Variants in NALCN observed in about 807,000 individuals in gnomAD.
The protein encoded by NALCN is sodium leak channel NALCN.
A neutral mutation model predicts 225.3 loss-of-function variants in NALCN; 111 were observed. That is an observed-to-expected ratio of 0.49 (90% CI 0.42 to 0.58). The LOEUF is 0.58. NALCN is among the 20% of genes least tolerant of loss of function. The pLI is 0.00. For synonymous variants in NALCN, 764 were observed against 769.0 expected (o/e 0.99, Z 0.11); for missense variants, 1,378 against 2,202.4 (o/e 0.63, Z 7.49).
In NALCN at chr13:101,104,257, C is replaced by A; in HGVS notation, c.2889+38G>T. The A allele has an allele frequency of 6.4e-7, 1 of 1,563,496 alleles. No homozygotes were observed. The highest frequency in any genetic ancestry group is 8.6e-7 in the Non-Finnish European group (1 of 1,158,936). On this transcript the variant is annotated intron_variant, in intron 25 of 43. Coordinates refer to ENST00000251127, the MANE Select transcript of NALCN (RefSeq NM_052867.4). This position sits in a 1 kb window ranked among gnomAD's most constrained non-coding sequence, Gnocchi z 4.2. ...AGAAATGCAGGAGATTTTACAAAAC[C>A]ATTACATTTTTCATTTAGGCAATAA...
intron 7 of NALCN, among the ~76,000 whole-genome samples, chr13:101,345,065 G>A (rs866474338): frequency 6.6e-6 from 1 of 152,248 alleles, no homozygotes; most frequent in Middle Eastern, 3.4e-3. Context: ...AAACACTGCT[G>A]CCCATATACA....
intron 27 of NALCN, among the ~76,000 whole-genome samples, chr13:101,099,726 G>T (rs1455793335): frequency 6.6e-6 from 1 of 152,074 alleles, no homozygotes; most frequent in Non-Finnish European, 1.5e-5. Context: ...CAGTATCTCT[G>T]CTCTTTACAG....
intron 1 of NALCN, among the ~76,000 whole-genome samples, chr13:101,411,984 T>C (rs1004724516): frequency 6.6e-6 from 1 of 152,220 alleles, no homozygotes; most frequent in Non-Finnish European, 1.5e-5. Flanking sequence ...AGAGGAAGTA[T>C]AACATTAATC....
At chr13:101,063,850 C>T (rs2032155922) in intron 40 of NALCN, among the ~76,000 whole-genome samples, 1 of 152,140 alleles carries the variant, frequency 6.6e-6, no homozygotes, top group South Asian at 2.1e-4. Context: ...AAAATAGCTA[C>T]TGCTAGTCAG....
In NALCN at chr13:101,103,152, A is replaced by G; in HGVS notation, c.3057+20T>C. On this transcript the variant is annotated intron_variant, in intron 26 of 43. Transcript: ENST00000251127. ...AGGTGGACTACTGTGAACTGGAATCAAAGGATAATTCTCACATACCAAAAA... is the reference window on the plus strand; with the variant it reads ...AGGTGGACTACTGTGAACTGGAATCGAAGGATAATTCTCACATACCAAAAA... The G allele has an allele frequency of 6.2e-7, 1 of 1,609,476 alleles. No individual in the cohort carries two copies. Among genetic ancestry groups the G allele is most frequent in the Non-Finnish European group, 8.5e-7 (1 of 1,178,102 alleles).
At chr13:101,225,333 C>T (rs1566455153) in intron 13 of NALCN, among the ~76,000 whole-genome samples, 1 of 152,172 alleles carries the variant, frequency 6.6e-6, no homozygotes, top group African/African-American at 2.4e-5. Context: ...GAACCTGTAC[C>T]CTAGTTTATC....
At chr13:101,277,104 T>C (rs2042995577) in intron 10 of NALCN, among the ~76,000 whole-genome samples, 1 of 152,068 alleles carries the variant, frequency 6.6e-6, no homozygotes, top group African/African-American at 2.4e-5. Flanking sequence ...TTATTACTCG[T>C]AAAAAACTCA....
chr13:101,081,399 C>A (rs1594163042), intron 34 of NALCN, 128 bp downstream of exon 34: 1 of 1,352,756 alleles, frequency 7.4e-7, no homozygotes, highest in East Asian at 2.4e-5. Context: ...CAAAGCTGGG[C>A]TTTAGGGAGG....
At chr13:101,238,231 C>T (rs1232933867) in intron 11 of NALCN, among the ~76,000 whole-genome samples, 1 of 151,716 alleles carries the variant, frequency 6.6e-6, no homozygotes, top group Non-Finnish European at 1.5e-5. Flanking sequence ...TTTCTATGTA[C>T]ACAAAAGGCT....
At chr13:101,405,269 T>C (rs939172649) in intron 1 of NALCN, among the ~76,000 whole-genome samples, 2 of 152,178 alleles carry the variant, frequency 1.3e-5, no homozygotes, top group Admixed American at 1.3e-4. Context: ...GCTTGCTAAG[T>C]TCCTTCTCAG....
At chr13:101,159,160 G>T (rs921790043) in intron 15 of NALCN, among the ~76,000 whole-genome samples, 2 of 152,204 alleles carry the variant, frequency 1.3e-5, no homozygotes, top group African/African-American at 4.8e-5. Flanking sequence ...GGCAAGGAAT[G>T]AATATCATCA....
chr13:101,087,365 C>T (rs893067875), intron 30 of NALCN, among the ~76,000 whole-genome samples: 1 of 151,930 alleles, frequency 6.6e-6, no homozygotes, highest in Non-Finnish European at 1.5e-5. Context: ...GGTTAGTTCA[C>T]TAGGTCCTCA....
At chr13:101,332,503 T>A (rs534601062) in intron 7 of NALCN, among the ~76,000 whole-genome samples, 28 of 151,994 alleles carry the variant, frequency 1.8e-4, no homozygotes, top group Non-Finnish European at 3.8e-4. Flanking sequence ...TCTCAGGTTT[T>A]ATGTCCAATC....
intron 12 of NALCN, 95 bp from the exon 13 acceptor site, chr13:101,229,679 C>A: frequency 9.7e-7 from 1 of 1,033,226 alleles, no homozygotes; most frequent in African/African-American, 1.7e-5. Context: ...TTTTATAGTG[C>A]TTTATGAAAA....
At chr13:101,202,116 G>A (rs1254887264) in intron 13 of NALCN, among the ~76,000 whole-genome samples, 2 of 152,136 alleles carry the variant, frequency 1.3e-5, no homozygotes, top group Admixed American at 6.6e-5. Context: ...CTCATAATCC[G>A]TTAATATTTT....
At chr13:101,197,158 C>G (rs190894985) in intron 13 of NALCN, among the ~76,000 whole-genome samples, 2 of 152,152 alleles carry the variant, frequency 1.3e-5, no homozygotes, top group Non-Finnish European at 2.9e-5. Context: ...AGCCCTTTGG[C>G]CACAGACTTC....
chr13:101,135,093 G>C (rs1419282783), intron 17 of NALCN, among the ~76,000 whole-genome samples: 1 of 152,118 alleles, frequency 6.6e-6, no homozygotes, highest in Non-Finnish European at 1.5e-5. Flanking sequence ...TACTCAGGAG[G>C]CTGAGGCAGG....
At chr13:101,284,727 A>T (rs1436692910) in intron 9 of NALCN, among the ~76,000 whole-genome samples, 1 of 152,196 alleles carries the variant, frequency 6.6e-6, no homozygotes, top group Admixed American at 6.5e-5. Flanking sequence ...AAGTGATGAA[A>T]TTCAAGATGC....
At chr13:101,416,575 T>A (rs1039870650), upstream of NALCN, 1 of 151,864 alleles carries the variant, frequency 6.6e-6, no homozygotes, top group South Asian at 2.1e-4. Flanking sequence ...CTTTAAAAAA[T>A]TATTATTTTA....
Sources: allele counts gnomAD v4.1 joint callset (sites outside exome capture counted in the v4.1 genomes callset), GRCh38; gene constraint gnomAD v4.1.1; non-coding constraint Gnocchi (gnomAD v3.1); transcripts MANE v1.5; gene names NCBI Gene and HGNC (gene_info 2026-07-23, HGNC 2026-07-21).